BICDL1: variants seen among roughly 807,000 people sequenced by gnomAD.
The protein encoded by BICDL1 is BICD family-like cargo adapter 1.
A neutral mutation model predicts 76.8 loss-of-function variants in BICDL1; 20 were observed. The observed-to-expected ratio is 0.26, with a 90% confidence interval of 0.18 to 0.38. The LOEUF (loss-of-function observed/expected upper bound fraction) is 0.38, where lower values mean the gene tolerates loss of function less well. Among genes scored for constraint, BICDL1 ranks in the 10% least tolerant of loss-of-function variants. BICDL1 has a pLI of 1.00. For synonymous variants in BICDL1, 383 were observed against 337.1 expected (o/e 1.14, Z -1.49); for missense variants, 700 against 798.6 (o/e 0.88, Z 1.49).
intron 2 of BICDL1, among the ~76,000 whole-genome samples, chr12:120,015,460 C>T (rs969927007): frequency 3.3e-5 from 5 of 152,136 alleles, no homozygotes; most frequent in Admixed American, 2.6e-4. Context: ...GAGAACTTTG[C>T]TGTTCTTCTC....
At chr12:120,014,466 G>T (rs1952019606) in intron 2 of BICDL1, among the ~76,000 whole-genome samples, 3 of 152,040 alleles carry the variant, frequency 2.0e-5, no homozygotes, top group African/African-American at 7.2e-5. Context: ...GGCTGAGCCG[G>T]GCAGATCACA....
intron 8 of BICDL1, among the ~76,000 whole-genome samples, chr12:120,087,008 T>A (rs1324122375): frequency 6.6e-6 from 1 of 152,154 alleles, no homozygotes; most frequent in Non-Finnish European, 1.5e-5. Flanking sequence ...GGCCCATCTG[T>A]CCCTCGCCGG....
chr12:120,058,654 G>A (rs752292353), intron 2 of BICDL1, among the ~76,000 whole-genome samples: 5 of 149,692 alleles, frequency 3.3e-5, no homozygotes, highest in Non-Finnish European at 5.9e-5. Context: ...GCAGTGGCGC[G>A]ATCTTGGCTC....
intron 2 of BICDL1, among the ~76,000 whole-genome samples, chr12:120,036,679 C>T (rs1470091276): frequency 6.6e-6 from 1 of 152,150 alleles, no homozygotes; most frequent in Non-Finnish European, 1.5e-5. Context: ...AGTTCAAGAC[C>T]AGCCTGGCCA....
chr12:120,073,755 T>G (rs897417470), intron 6 of BICDL1, among the ~76,000 whole-genome samples: 1 of 152,202 alleles, frequency 6.6e-6, no homozygotes, highest in Non-Finnish European at 1.5e-5. Context: ...CATGCCGTAT[T>G]GATCTGTGGG....
intron 8 of BICDL1, among the ~76,000 whole-genome samples, chr12:120,086,967 T>A (rs1302220514): frequency 6.6e-6 from 1 of 152,176 alleles, no homozygotes; most frequent in African/African-American, 2.4e-5. Context: ...AACCCCACCA[T>A]GCCCGGCGCT....
At chr12:120,033,085 T>G (rs1952457486) in intron 2 of BICDL1, among the ~76,000 whole-genome samples, 1 of 152,094 alleles carries the variant, frequency 6.6e-6, no homozygotes, top group African/African-American at 2.4e-5. Context: ...ATGCTGCATG[T>G]ATTACTTTGT....
chr12:119,997,472 C>G (rs1363427435), intron 1 of BICDL1, among the ~76,000 whole-genome samples: 2 of 152,128 alleles, frequency 1.3e-5, no homozygotes, highest in Non-Finnish European at 2.9e-5. Flanking sequence ...AAGAATGAAT[C>G]AATGTATCAA....
intron 2 of BICDL1, among the ~76,000 whole-genome samples, chr12:120,004,307 T>C (rs1378968750): frequency 1.3e-5 from 2 of 152,166 alleles, no homozygotes; most frequent in East Asian, 1.9e-4. Flanking sequence ...ACATCCAGAA[T>C]TGGGGTCATG....
intron 2 of BICDL1, among the ~76,000 whole-genome samples, chr12:120,054,291 T>A (rs2138866128): frequency 6.6e-6 from 1 of 152,026 alleles, no homozygotes; most frequent in South Asian, 2.1e-4. Flanking sequence ...GCCAGGGTGG[T>A]CTGGAACTCC....
chr12:120,031,528 A>G (rs962558486), intron 2 of BICDL1, among the ~76,000 whole-genome samples: 3 of 152,152 alleles, frequency 2.0e-5, no homozygotes, highest in Non-Finnish European at 4.4e-5. Context: ...TGTATTCATC[A>G]ATCACTTCAT....
chr12:120,044,397 T>C (rs1952704761), intron 2 of BICDL1, among the ~76,000 whole-genome samples: 1 of 152,206 alleles, frequency 6.6e-6, no homozygotes, highest in Non-Finnish European at 1.5e-5. Context: ...GAGAGAATCC[T>C]GAATGTGTCC....
At chr12:120,036,451 C>A (rs1299216522) in intron 2 of BICDL1, among the ~76,000 whole-genome samples, 1 of 152,204 alleles carries the variant, frequency 6.6e-6, no homozygotes, top group African/African-American at 2.4e-5. Context: ...TTTCCTTGTA[C>A]TGGGAGCGTT....
chr12:120,080,146 A>G (rs1044709955), intron 7 of BICDL1, among the ~76,000 whole-genome samples: 2 of 152,234 alleles, frequency 1.3e-5, no homozygotes, highest in Non-Finnish European at 2.9e-5. Context: ...CACACAGATC[A>G]TGGTGTACAC....
intron 2 of BICDL1, among the ~76,000 whole-genome samples, chr12:120,030,782 A>G (rs1952405635): frequency 6.6e-6 from 1 of 152,156 alleles, no homozygotes; most frequent in South Asian, 2.1e-4. Context: ...TCCTTACAAT[A>G]CTTCAAGTTG....
intron 1 of BICDL1, among the ~76,000 whole-genome samples, chr12:119,991,377 G>A (rs921569820): frequency 1.3e-5 from 2 of 152,186 alleles, no homozygotes; most frequent in Non-Finnish European, 2.9e-5. Context: ...TCTGTAATAA[G>A]ATTTAAGTAT....
At chr12:120,041,620 AGGGC>A (rs1223494813) in intron 2 of BICDL1, among the ~76,000 whole-genome samples, 1 of 152,154 alleles carries the variant, frequency 6.6e-6, no homozygotes, top group Non-Finnish European at 1.5e-5. Context: ...AAAGGAATGG[AGGGC>A]GGCACAGGTA....
chr12:120,086,964 C>T (rs1386480978), intron 8 of BICDL1, among the ~76,000 whole-genome samples: 1 of 152,226 alleles, frequency 6.6e-6, no homozygotes, highest in African/African-American at 2.4e-5. Context: ...GGGAACCCCA[C>T]CATGCCCGGC....
At chr12:120,091,582 GGAAGA>G in intron 9 of BICDL1, 1 of 984,888 alleles carries the variant, frequency 1.0e-6, no homozygotes, top group Non-Finnish European at 1.2e-6. Context: ...AAAAGGGGAT[GGAAGA>G]GAAGGGAAGA....
Sources: allele counts gnomAD v4.1 joint callset (sites outside exome capture counted in the v4.1 genomes callset), GRCh38; gene constraint gnomAD v4.1.1; transcripts MANE v1.5; gene names NCBI Gene and HGNC (gene_info 2026-07-23, HGNC 2026-07-21).